The following PDE1A variants were observed in gnomAD, a reference collection of about 807,000 sequenced individuals.
PDE1A encodes the protein dual specificity calcium/calmodulin-dependent 3',5'-cyclic nucleotide phosphodiesterase 1A.
In PDE1A, 35 loss-of-function variants were observed where a neutral mutation model predicts 61.7. The ratio of observed to expected loss-of-function variants is 0.57; its 90% CI spans 0.43 to 0.75. The LOEUF is 0.75. Ranked by LOEUF, PDE1A falls within the 30% of genes least tolerant of loss-of-function variation. The pLI, the probability that PDE1A is intolerant of heterozygous loss-of-function variation, is 0.00. For synonymous variants in PDE1A, 232 were observed against 213.2 expected (o/e 1.09, Z -0.77); for missense variants, 597 against 630.6 (o/e 0.95, Z 0.57).
intron 2 of PDE1A, among the ~76,000 whole-genome samples, chr2:182,459,490 G>A (rs538489799): frequency 3.3e-5 from 5 of 152,206 alleles, no homozygotes; most frequent in South Asian, 2.1e-4. Flanking sequence ...GTTTATATCT[G>A]TCAGGTGAAG....
chr2:182,325,682 C>T (rs537629720), intron 1 of PDE1A, among the ~76,000 whole-genome samples: 20 of 152,250 alleles, frequency 1.3e-4, no homozygotes, highest in Admixed American at 9.8e-4. Context: ...GTTTGGGAGG[C>T]CTAGGCAGGT....
the PDE1A span, among the ~76,000 whole-genome samples, chr2:182,698,948 T>A: frequency 3.9e-5 from 6 of 152,326 alleles, no homozygotes; most frequent in Admixed American, 2.6e-4. Context: ...CTGAGACCTC[T>A]AGCTCCCAAG....
At chr2:182,205,809 C>T in intron 8 of PDE1A, 131 bp downstream of exon 8, 1 of 734,964 alleles carries the variant, frequency 1.4e-6, no homozygotes, top group Non-Finnish European at 2.2e-6. Context: ...TTCTCAGAGT[C>T]ATCCAGTCGA....
chr2:182,230,126 GAT>G lies in PDE1A; in HGVS notation c.553_554del (p.Ile185HisfsTer25). 6.2e-7 allele frequency: 1 copy of G among 1,612,070 alleles called. No homozygotes were observed. The highest frequency in any genetic ancestry group is 8.5e-7 in the Non-Finnish European group (1 of 1,179,006). ...CAACTTCTAAAGCTTCTGCAAAGGT[GAT>G]TAGGCAAGAAACAGGAATCTGTGGA... On this transcript the variant is annotated frameshift_variant, in exon 6 of 14. Coordinates refer to ENST00000351439, the Ensembl canonical transcript of PDE1A. LOFTEE classifies it high-confidence loss of function.
chr2:182,367,353 T>C (rs545401826), intron 1 of PDE1A, among the ~76,000 whole-genome samples: 1 of 152,184 alleles, frequency 6.6e-6, no homozygotes, highest in African/African-American at 2.4e-5. Flanking sequence ...GAGTGTGATA[T>C]CCATATTACA....
upstream of PDE1A, among the ~76,000 whole-genome samples, chr2:182,524,737 C>CA (rs1013817427): frequency 5.2e-4 from 79 of 151,854 alleles, 1 homozygote; most frequent in African/African-American, 1.8e-3. Flanking sequence ...TGTTAGTTTA[C>CA]AAAAAAATTC....
At chr2:182,613,936 G>A in the PDE1A span, among the ~76,000 whole-genome samples, 1 of 152,104 alleles carries the variant, frequency 6.6e-6, no homozygotes, top group South Asian at 2.1e-4. Context: ...TTGCAAAGCT[G>A]GGTTTTCAGA....
chr2:182,695,595 A>G, the PDE1A span, among the ~76,000 whole-genome samples: 1 of 141,244 alleles, frequency 7.1e-6, no homozygotes, highest in African/African-American at 2.7e-5. Flanking sequence ...TGAACCCGGG[A>G]GGCGGAGCTT....
the PDE1A span, among the ~76,000 whole-genome samples, chr2:182,559,690 T>C: frequency 6.6e-5 from 10 of 152,272 alleles, no homozygotes; most frequent in African/African-American, 2.4e-4. Context: ...ATGCTTGTTA[T>C]ACCATTATTC....
chr2:182,233,659 T>C (rs1176853832), intron 4 of PDE1A, among the ~76,000 whole-genome samples: 2 of 152,130 alleles, frequency 1.3e-5, no homozygotes, highest in South Asian at 2.1e-4. Context: ...AAAACCAATA[T>C]GCAGATGTTT....
the PDE1A span, among the ~76,000 whole-genome samples, chr2:182,550,398 G>T: frequency 2.9e-4 from 44 of 152,208 alleles, no homozygotes; most frequent in African/African-American, 1.0e-3. Context: ...ATCATGCTCT[G>T]GGCAACTATT....
intron 2 of PDE1A, among the ~76,000 whole-genome samples, chr2:182,513,415 C>T (rs1689934193): frequency 6.6e-6 from 1 of 152,098 alleles, no homozygotes; most frequent in African/African-American, 2.4e-5. Flanking sequence ...AATTTGTTAC[C>T]ACCATACCTG....
the PDE1A span, among the ~76,000 whole-genome samples, chr2:182,643,620 A>G: frequency 6.6e-6 from 1 of 152,214 alleles, no homozygotes; most frequent in South Asian, 2.1e-4. Context: ...GAAGTAGACA[A>G]GAGGAGTCAT....
At chr2:182,221,780 T>TTGAC (rs1393302630) in intron 7 of PDE1A, among the ~76,000 whole-genome samples, 1 of 152,024 alleles carries the variant, frequency 6.6e-6, no homozygotes, top group Non-Finnish European at 1.5e-5. Context: ...AAGAACTGGA[T>TTGAC]TGACAGTGAG....
At chr2:182,521,116 A>G (rs1266037462) in intron 2 of PDE1A, among the ~76,000 whole-genome samples, 4 of 152,058 alleles carry the variant, frequency 2.6e-5, no homozygotes, top group Non-Finnish European at 5.9e-5. Context: ...AAGAAAATAT[A>G]CAAAGAACAA....
At chr2:182,220,235 T>C (rs1273858336) in intron 7 of PDE1A, among the ~76,000 whole-genome samples, 1 of 152,108 alleles carries the variant, frequency 6.6e-6, no homozygotes, top group Non-Finnish European at 1.5e-5. Context: ...AGCACATGTA[T>C]AATTCTCATT....
the PDE1A span, among the ~76,000 whole-genome samples, chr2:182,561,378 T>C: frequency 6.6e-6 from 1 of 152,188 alleles, no homozygotes; most frequent in South Asian, 2.1e-4. Flanking sequence ...ATATGAGGTG[T>C]TATTTCTGAG....
intron 1 of PDE1A, among the ~76,000 whole-genome samples, chr2:182,299,101 C>T (rs7598327): frequency 0.23 from 34,767 of 151,562 alleles, 4,223 homozygotes; most frequent in East Asian, 0.42. Flanking sequence ...ATATTTTCGC[C>T]GAAATACCAG....
intron 1 of PDE1A, among the ~76,000 whole-genome samples, chr2:182,361,742 G>A (rs1699524585): frequency 1.3e-5 from 2 of 152,036 alleles, no homozygotes; most frequent in South Asian, 4.1e-4. Flanking sequence ...ATAGGAAAAT[G>A]TTTAAGAGCT....
Sources: gnomAD v4.1 joint callset for allele counts (sites outside exome capture counted in the v4.1 genomes callset) on GRCh38, gnomAD v4.1.1 for gene constraint, MANE v1.5 for transcripts, NCBI Gene and HGNC (gene_info 2026-07-23, HGNC 2026-07-21) for gene names.